The following MOB3B variants were observed in gnomAD, a reference collection of about 807,000 sequenced individuals.
MOB3B encodes the protein MOB kinase activator 3B.
A neutral mutation model predicts 18.7 loss-of-function variants in MOB3B; 7 were observed. The observed-to-expected ratio is 0.37, with a 90% CI of 0.21 to 0.70. The LOEUF (loss-of-function observed/expected upper bound fraction) is 0.70. MOB3B is among the 30% of genes least tolerant of loss of function. The pLI, the probability that MOB3B is intolerant of heterozygous loss-of-function variation, is 0.52. For synonymous variants in MOB3B, 111 were observed against 99.9 expected (o/e 1.11, Z -0.66); for missense variants, 253 against 281.3 (o/e 0.90, Z 0.72).
At chr9:27,506,840 T>C (rs1381493749) in intron 1 of MOB3B, among the ~76,000 whole-genome samples, 1 of 146,244 alleles carries the variant, frequency 6.8e-6, no homozygotes, top group East Asian at 2.0e-4. Flanking sequence ...TAATTTTTTT[T>C]TTTTTTTTTT....
chr9:27,424,567 G>A (rs1181976732), intron 2 of MOB3B, among the ~76,000 whole-genome samples: 1 of 152,150 alleles, frequency 6.6e-6, no homozygotes, highest in African/African-American at 2.4e-5. Flanking sequence ...CAAACCCAGT[G>A]AAAGAACCAC....
chr9:27,386,363 A>G (rs1448711265), intron 2 of MOB3B, among the ~76,000 whole-genome samples: 1 of 152,232 alleles, frequency 6.6e-6, no homozygotes, highest in Non-Finnish European at 1.5e-5. Flanking sequence ...CGATTCAACA[A>G]AGCCAAAGGA....
intron 1 of MOB3B, among the ~76,000 whole-genome samples, chr9:27,474,846 C>A (rs545588810): frequency 6.6e-6 from 1 of 152,168 alleles, no homozygotes; most frequent in Non-Finnish European, 1.5e-5. Flanking sequence ...GCAAACCCAC[C>A]TTTAACAATC....
chr9:27,434,005 G>A (rs1822456056), intron 2 of MOB3B, among the ~76,000 whole-genome samples: 1 of 152,142 alleles, frequency 6.6e-6, no homozygotes. Context: ...TGAGGGAATG[G>A]AAATAGAACT....
chr9:27,415,520 C>T (rs891479530), intron 2 of MOB3B, among the ~76,000 whole-genome samples: 2 of 151,710 alleles, frequency 1.3e-5, no homozygotes, highest in African/African-American at 4.8e-5. Flanking sequence ...ATTCATTATT[C>T]TTCTCTGTGA....
At chr9:27,454,614 A>T (rs1563872771) in intron 2 of MOB3B, among the ~76,000 whole-genome samples, 2 of 152,192 alleles carry the variant, frequency 1.3e-5, no homozygotes, top group Non-Finnish European at 2.9e-5. Context: ...GGTTAAAGTA[A>T]ACAGCACAGC....
intron 2 of MOB3B, among the ~76,000 whole-genome samples, chr9:27,365,024 G>A (rs572571728): frequency 3.9e-5 from 6 of 152,142 alleles, no homozygotes; most frequent in Non-Finnish European, 7.4e-5. Flanking sequence ...AAGGGACTGT[G>A]TTATACTTTG....
At chr9:27,480,302 A>ATT (rs371803996) in intron 1 of MOB3B, among the ~76,000 whole-genome samples, 19,799 of 140,930 alleles carry the variant, frequency 0.14, 1,855 homozygotes, top group East Asian at 0.34. Context: ...ATGCCCAGCT[A>ATT]TTTTTTTTTT....
intron 2 of MOB3B, among the ~76,000 whole-genome samples, chr9:27,400,924 C>T (rs1221468208): frequency 6.6e-6 from 1 of 152,220 alleles, no homozygotes; most frequent in East Asian, 1.9e-4. Context: ...ATAAGTAGGA[C>T]ATCACAAGGT....
At position 27,326,924 on chromosome 9, in the gene MOB3B, A is replaced by G. The variant is rs140515102; in HGVS notation, c.*3663T>C. The G allele has an allele frequency of 2.5e-4, 49 of 196,590 alleles. No homozygotes were observed. The highest frequency in any genetic ancestry group is 9.5e-4 in the African/African-American group (41 of 43,324). The allele number at this position is 196,590 out of a possible 1,614,324, so 12.2% of individuals were successfully genotyped here. A position where few individuals can be genotyped will look rare whatever the true frequency, so the allele number is the denominator to read the frequency against. On this transcript the variant is annotated 3_prime_UTR_variant, in exon 4 of 4. Coordinates refer to ENST00000262244, the MANE Select transcript of MOB3B (RefSeq NM_024761.5). ...CTGTACTATCTAAGAGTTTTCCCAA[A>G]AAAACCATCTGACAATTAGGGAGTG...
At chr9:27,362,442 A>G (rs1024854861) in intron 2 of MOB3B, among the ~76,000 whole-genome samples, 4 of 152,172 alleles carry the variant, frequency 2.6e-5, no homozygotes, top group African/African-American at 4.8e-5. Context: ...TTGGCACTCA[A>G]TGGAACTTTG....
intron 2 of MOB3B, among the ~76,000 whole-genome samples, chr9:27,363,983 G>A (rs964930284): frequency 4.6e-5 from 7 of 152,120 alleles, no homozygotes; most frequent in African/African-American, 1.7e-4. Flanking sequence ...GGGCTCAAGC[G>A]ATCCTCCCAC....
chr9:27,438,674 G>T (rs1822548485), intron 2 of MOB3B, among the ~76,000 whole-genome samples: 1 of 152,162 alleles, frequency 6.6e-6, no homozygotes, highest in Non-Finnish European at 1.5e-5. Flanking sequence ...AGCACCGTTG[G>T]GAGGACAAGG....
At chr9:27,524,929 A>G in intron 1 of MOB3B, 1 of 1,606,054 alleles carries the variant, frequency 6.2e-7, no homozygotes, top group Non-Finnish European at 8.5e-7. Context: ...TATTACTTTT[A>G]CAAATTTACA....
At chr9:27,398,576 C>T (rs992565149) in intron 2 of MOB3B, among the ~76,000 whole-genome samples, 3 of 152,136 alleles carry the variant, frequency 2.0e-5, no homozygotes, top group Non-Finnish European at 2.9e-5. Context: ...AAACCAGGAT[C>T]ACTACATGAG....
At chr9:27,462,340 G>GA (rs111229752) in intron 1 of MOB3B, among the ~76,000 whole-genome samples, 22,530 of 151,884 alleles carry the variant, frequency 0.15, 1,831 homozygotes, top group Non-Finnish European at 0.18. Context: ...CACGTGAATT[G>GA]AAAAAAACAA....
intron 2 of MOB3B, among the ~76,000 whole-genome samples, chr9:27,451,028 C>T (rs1822774932): frequency 6.6e-6 from 1 of 152,134 alleles, no homozygotes; most frequent in African/African-American, 2.4e-5. Context: ...TTGTTTTATA[C>T]ATGTTCTTAT....
At chr9:27,364,239 G>C (rs1033646508) in intron 2 of MOB3B, among the ~76,000 whole-genome samples, 1 of 152,156 alleles carries the variant, frequency 6.6e-6, no homozygotes, top group Non-Finnish European at 1.5e-5. Flanking sequence ...AGGGCAACCC[G>C]TGTTCTACAT....
intron 1 of MOB3B, among the ~76,000 whole-genome samples, chr9:27,524,107 A>G (rs1045126506): frequency 2.6e-5 from 4 of 151,432 alleles, no homozygotes; most frequent in African/African-American, 7.3e-5. Context: ...TTTCAGGGAA[A>G]AAAAAAAGTT....
Sources: gnomAD v4.1 joint callset for allele counts (sites outside exome capture counted in the v4.1 genomes callset) on GRCh38, gnomAD v4.1.1 for gene constraint, MANE v1.5 for transcripts, NCBI Gene and HGNC (gene_info 2026-07-23, HGNC 2026-07-21) for gene names.